Variants in PIEZO1 observed in about 807,000 individuals in gnomAD.
PIEZO1 encodes piezo type mechanosensitive ion channel component 1 (Er blood group), also known as piezo-type mechanosensitive ion channel component 1.
A neutral mutation model predicts 297.2 loss-of-function variants in PIEZO1; 296 were observed. The observed-to-expected ratio is 1.00, with a 90% CI of 0.91 to 1.10. The LOEUF (loss-of-function observed/expected upper bound fraction) is 1.10, where lower values mean the gene tolerates loss of function less well. Among genes scored for constraint, PIEZO1 ranks in the 50% least tolerant of loss-of-function variants. The pLI, the probability that PIEZO1 is intolerant of heterozygous loss-of-function variation, is 0.00. For synonymous variants in PIEZO1, 2,427 were observed against 1,507.5 expected (o/e 1.61, Z -14.13); for missense variants, 5,018 against 3,455.5 (o/e 1.45, Z -11.34).
chr16:88,715,664 G>T lies in PIEZO1; in HGVS notation c.7507C>A (p.Leu2503Ile). Residue 2503 changes from leucine (L) to isoleucine (I), a missense_variant, in exon 51 of 51, where the codon CTC becomes ATC. Transcript: ENST00000301015. ...TCCGGTGAGCGGTAGAGGAAGATGA[G>T]CTTGGCGTACAACTCCTCCTCCAGC... ...LELEEELYAK[L>I]IFLYRSPETM... 1 of 1,550,332 alleles carries T rather than the reference G, an allele frequency of 6.5e-7. No homozygotes were observed. Among genetic ancestry groups the T allele is most frequent in the African/African-American group, 1.4e-5 (1 of 73,174 alleles).
At chr16:88,725,886 T>G (rs1294718419) in intron 27 of PIEZO1, 2 of 586,156 alleles carry the variant, frequency 3.4e-6, no homozygotes, top group South Asian at 2.1e-5. Context: ...GCCGTACAGA[T>G]GCAGGGGCGT....
rs1460127666 is a variant in PIEZO1, at chr16:88,720,366, G to C, written c.5949+19C>G. 3.2e-6 allele frequency: 5 copies of C among 1,550,286 alleles called. No individual in the cohort carries two copies. Among genetic ancestry groups the C allele is most frequent in the Admixed American group, 2.0e-5 (1 of 50,996 alleles). On this transcript the variant is annotated intron_variant, in intron 41 of 50. Transcript: ENST00000301015. Reference sequence around the variant, plus strand: ...CTGAGCTCTGCGTACACTGGGTTTGGGTCCCGGGCCTGGCTCACCCCAAAG... The same window carrying C: ...CTGAGCTCTGCGTACACTGGGTTTGCGTCCCGGGCCTGGCTCACCCCAAAG...
chr16:88,783,287 A>C (rs1200904168), intron 1 of PIEZO1, among the ~76,000 whole-genome samples: 1 of 152,260 alleles, frequency 6.6e-6, no homozygotes, highest in African/African-American at 2.4e-5. Flanking sequence ...ACACCTGTTT[A>C]GGTACAGCCC....
At chr16:88,727,256 A>G (rs1904515971) in intron 23 of PIEZO1, 64 bp from the exon 24 acceptor site, 3 of 1,449,730 alleles carry the variant, frequency 2.1e-6, no homozygotes. Flanking sequence ...CACGGCGCAT[A>G]AATCCCACCT....
At chr16:88,781,045 TGAGGCCAGA>T (rs973193030) in intron 1 of PIEZO1, among the ~76,000 whole-genome samples, 1 of 152,268 alleles carries the variant, frequency 6.6e-6, no homozygotes, top group Admixed American at 6.5e-5. Flanking sequence ...AGGGGATTTC[TGAGGCCAGA>T]GAGGCCAGGA....
Position 88,769,059 on chromosome 16 carries a change from C to A in PIEZO1, c.64+15842G>T, listed in dbSNP as rs1052917198. ...CCACACTTGCTATGCAGAGTGGGGG[C>A]CCCTCATCCAAAGGGGCCAGAAGTA... On this transcript the variant is annotated intron_variant, in intron 1 of 50. Coordinates refer to ENST00000301015, the MANE Select transcript of PIEZO1 (RefSeq NM_001142864.4). Among the ~76,000 whole-genome samples, 3 of 152,284 alleles carry A rather than the reference C, an allele frequency of 2.0e-5. No individual in the cohort carries two copies. The East Asian group carries it at 5.8e-4, about 29-fold the overall frequency.
chr16:88,726,490 G>A lies in PIEZO1; in HGVS notation c.3797-35C>T, dbSNP rs554088965. The A allele has an allele frequency of 5.3e-4, 817 of 1,547,920 alleles. 1 individual carries two copies. Among genetic ancestry groups the A allele is most frequent in the Non-Finnish European group, 6.2e-4 (706 of 1,145,096 alleles). Reference sequence around the variant, plus strand: ...AGGCACCGGCAAGGGTCAGGCCCAGGGCCCAGGAGCAGGGGGCTTCCCCAC... The same window carrying A: ...AGGCACCGGCAAGGGTCAGGCCCAGAGCCCAGGAGCAGGGGGCTTCCCCAC... On this transcript the variant is annotated intron_variant, in intron 26 of 50. Transcript: ENST00000301015.
rs4238686 is a variant in PIEZO1, at chr16:88,722,526, A to G, written c.4775+57T>C. ...GGAATGGCGAGGGTCGGGGATGGCT[A>G]GGCGATGCCCACACACCAGGGGCAG... On this transcript the variant is annotated intron_variant, in intron 35 of 50. Transcript: ENST00000301015. 0.55 allele frequency: 793,179 copies of G among 1,435,310 alleles called. 224,107 individuals are homozygous for G. The highest frequency in any genetic ancestry group is 0.86 in the East Asian group (34,446 of 39,870). 88.9% of individuals were successfully genotyped at this position (1,435,310 alleles called of 1,614,324 possible). A position where few individuals can be genotyped will look rare whatever the true frequency, so the allele number is the denominator to read the frequency against.
At chr16:88,738,132 T>C in intron 7 of PIEZO1, 27 bp from the exon 8 acceptor site, 2 of 1,535,538 alleles carry the variant, frequency 1.3e-6, no homozygotes, top group Non-Finnish European at 1.7e-6. Flanking sequence ...CGTCACAGCC[T>C]ACCACCCCAG....
rs1179089029 is a variant in PIEZO1 at position 88,732,267 on chromosome 16, CG to C, written c.2991+67del. 2.2e-6 allele frequency: 3 copies of C among 1,373,920 alleles called. No individual in the cohort carries two copies. In the African/African-American group the frequency reaches 4.3e-5, roughly 20 times the overall value. 85.1% of individuals were successfully genotyped at this position (1,373,920 alleles called of 1,614,324 possible). On this transcript the variant is annotated intron_variant, in intron 21 of 50. Transcript: ENST00000301015. ...TGGGGCCAGGCTTGCGGTGCCTGCA[CG>C]GTGCAGCCGTCCCTCCCTCCCGAAG...
At chr16:88,722,124 C>A in intron 36 of PIEZO1, 58 bp from the exon 37 acceptor site, 2 of 1,523,562 alleles carry the variant, frequency 1.3e-6, no homozygotes, top group Non-Finnish European at 1.8e-6. Context: ...CATGACGGCC[C>A]GATCTGTTGC....
chr16:88,769,485 C>A (rs750056653), intron 1 of PIEZO1, among the ~76,000 whole-genome samples: 1 of 152,234 alleles, frequency 6.6e-6, no homozygotes. Context: ...ATTTTCCTTA[C>A]CAATATGAAG....
Position 88,716,348 on chromosome 16 carries a change from G to T in PIEZO1, c.7049+13C>A. ...CACAGCCCTCCTGCCCACCACCCGG[G>T]CCCTTCACTCACACAGACTGGTCCG... On this transcript the variant is annotated intron_variant, in intron 48 of 50. Transcript: ENST00000301015. 1 of 1,522,026 alleles carries T rather than the reference G, an allele frequency of 6.6e-7. No individual in the cohort carries two copies. Among genetic ancestry groups the T allele is most frequent in the South Asian group, 1.2e-5 (1 of 80,210 alleles). The allele number at this position is 1,522,026 out of a possible 1,614,324, so 94.3% of individuals were successfully genotyped here.
rs372258955 is a variant in PIEZO1 at position 88,769,817 on chromosome 16, C to G, written c.64+15084G>C. ...CAGGGTGGGCGGGGCCAGGACGAGC[C>G]TCATGTCACCTCTGCTAGCTCAGAG... On this transcript the variant is annotated intron_variant, in intron 1 of 50. Transcript: ENST00000301015. Among the ~76,000 whole-genome samples the G allele has an allele frequency of 4.9e-4, 74 of 152,338 alleles. 1 individual carries two copies. The South Asian group carries it at 0.015, about 31-fold the overall frequency.
At chr16:88,773,626 C>G (rs1037413684) in intron 1 of PIEZO1, among the ~76,000 whole-genome samples, 2 of 152,078 alleles carry the variant, frequency 1.3e-5, no homozygotes, top group African/African-American at 4.8e-5. Flanking sequence ...GGGGACTGGA[C>G]AGCAGCTGCC....
intron 8 of PIEZO1, 38 bp from the exon 9 acceptor site, chr16:88,737,852 C>A: frequency 6.5e-7 from 1 of 1,533,660 alleles, no homozygotes; most frequent in Non-Finnish European, 8.7e-7. Flanking sequence ...ACCAGCTCCA[C>A]ACCCCACCCA....
Position 88,720,538 on chromosome 16 carries a change from G to GA in PIEZO1, c.5802-7dup, listed in dbSNP as rs1409419030. 6.5e-7 allele frequency: 1 copy of GA among 1,549,434 alleles called. No homozygotes were observed. The highest frequency in any genetic ancestry group is 8.7e-7 in the Non-Finnish European group (1 of 1,146,870). On this transcript the variant is annotated splice_polypyrimidine_tract_variant and splice_region_variant and intron_variant, in intron 40 of 50. Transcript: ENST00000301015. ...GCCGATATGTGCCCTGGGCCCTGCGGAAGGGGGCGCTCAGCCTGGGCCCAG... is the reference window on the plus strand; with the variant it reads ...GCCGATATGTGCCCTGGGCCCTGCGGAAAGGGGGCGCTCAGCCTGGGCCCAG...
chr16:88,718,135 T>G, intron 44 of PIEZO1: 1 of 188,840 alleles, frequency 5.3e-6, no homozygotes, highest in Non-Finnish European at 1.1e-5. Flanking sequence ...GATACACAAA[T>G]GGCCAAGCAC....
chr16:88,729,860 C>T (rs904861925), intron 22 of PIEZO1, among the ~76,000 whole-genome samples: 1 of 151,930 alleles, frequency 6.6e-6, no homozygotes, highest in Non-Finnish European at 1.5e-5. Context: ...GCTGGGGAAC[C>T]CAGGACATGC....
Sources: gnomAD v4.1 joint callset for allele counts (sites outside exome capture counted in the v4.1 genomes callset) on GRCh38, gnomAD v4.1.1 for gene constraint, MANE v1.5 for transcripts, NCBI Gene and HGNC (gene_info 2026-07-23, HGNC 2026-07-21) for gene names.